The following ABCB5 variants were observed in gnomAD, a reference collection of about 807,000 sequenced individuals.
ABCB5 encodes the protein ATP binding cassette subfamily B member 5.
Under a neutral mutation model 144.2 loss-of-function variants are expected in ABCB5, and 155 were observed. The ratio of observed to expected loss-of-function variants is 1.08; its 90% CI spans 0.94 to 1.23. The LOEUF is 1.23. Ranked by LOEUF, ABCB5 falls within the 50% of genes most tolerant of loss-of-function variation. ABCB5 has a pLI of 0.00. For synonymous variants in ABCB5, 610 were observed against 528.6 expected (o/e 1.15, Z -2.11); for missense variants, 1,830 against 1,520.8 (o/e 1.20, Z -3.38).
intron 20 of ABCB5, among the ~76,000 whole-genome samples, chr7:20,712,658 T>C (rs1014283396): frequency 6.7e-6 from 1 of 149,706 alleles, no homozygotes; most frequent in Non-Finnish European, 1.5e-5. Flanking sequence ...CTATCATATA[T>C]ATTTTTCATC....
intron 16 of ABCB5, among the ~76,000 whole-genome samples, chr7:20,697,019 T>C (rs541526497): frequency 6.6e-6 from 1 of 152,174 alleles, no homozygotes; most frequent in Non-Finnish European, 1.5e-5. Flanking sequence ...AATAAGGTAA[T>C]TTTGTAATGC....
At chr7:20,667,603 G>A (rs1355468196) in intron 14 of ABCB5, 2 of 915,182 alleles carry the variant, frequency 2.2e-6, no homozygotes, top group Non-Finnish European at 2.6e-6. Flanking sequence ...GAGCTAATGG[G>A]TCACATCACG....
At chr7:20,678,107 A>T (rs1420030721) in intron 14 of ABCB5, among the ~76,000 whole-genome samples, 1 of 152,226 alleles carries the variant, frequency 6.6e-6, no homozygotes, top group African/African-American at 2.4e-5. Context: ...ATAAGTAAGA[A>T]CAGGTACTAT....
chr7:20,748,650 C>CAAA (rs71020682), intron 26 of ABCB5, among the ~76,000 whole-genome samples: 4 of 59,076 alleles, frequency 6.8e-5, no homozygotes, highest in African/African-American at 2.0e-4. Context: ...GACTCCATCT[C>CAAA]AAAAAAAAAA....
chr7:20,654,714 T>C (rs1784713728), intron 13 of ABCB5, among the ~76,000 whole-genome samples: 1 of 151,924 alleles, frequency 6.6e-6, no homozygotes, highest in Admixed American at 6.6e-5. Context: ...AAAAAACAAT[T>C]CTAAAGAATA....
intron 16 of ABCB5, among the ~76,000 whole-genome samples, chr7:20,692,515 G>C (rs1231922760): frequency 6.6e-6 from 1 of 150,992 alleles, no homozygotes; most frequent in African/African-American, 2.4e-5. Flanking sequence ...GAAGGAAAGT[G>C]ATACTAGATG....
intron 20 of ABCB5, among the ~76,000 whole-genome samples, chr7:20,709,148 C>G (rs1371925513): frequency 1.3e-5 from 2 of 152,044 alleles, no homozygotes; most frequent in Non-Finnish European, 2.9e-5. Context: ...AAATGGCAGC[C>G]TTATATAAGT....
chr7:20,722,636 A>G (rs1275971423), intron 20 of ABCB5, among the ~76,000 whole-genome samples: 1 of 152,178 alleles, frequency 6.6e-6, no homozygotes, highest in Non-Finnish European at 1.5e-5. Flanking sequence ...CTTGGCCAAC[A>G]TGGCGAAACC....
chr7:20,622,984 G>A lies in ABCB5; in HGVS notation c.-21-281G>A, dbSNP rs149504524. Among the ~76,000 whole-genome samples, 8 of 152,178 alleles carry A rather than the reference G, an allele frequency of 5.3e-5. No homozygotes were observed. In the East Asian group the frequency reaches 5.8e-4, roughly 11 times the overall value. On this transcript the variant is annotated intron_variant, in intron 1 of 27. Transcript: ENST00000404938. ...TATCCTGACAAACAGTGCATTTTCC[G>A]TGGAATCTGACTTTCCTTCTTTTAT...
intron 1 of ABCB5, among the ~76,000 whole-genome samples, chr7:20,620,340 G>C (rs749056813): frequency 6.6e-6 from 1 of 151,958 alleles, no homozygotes; most frequent in Non-Finnish European, 1.5e-5. Flanking sequence ...CACTGGATTT[G>C]GCAAAGATTT....
rs1785973782 is a variant in ABCB5 at position 20,685,799 on chromosome 7, T to G, written c.1973T>G (p.Phe658Cys). ...TCTGTGAAGAGCATCAAGTCAGACT[T>G]CATTGACAAGGCTGAGGAATCCACC... is the stretch of plus-strand genomic sequence containing the variant. ...LHSVKSIKSD[F>C]IDKAEESTQS... is the part of the protein sequence containing the mutation. The change falls in exon 16 of 28, where the codon TTC becomes TGC. Residue 658 changes from phenylalanine (F) to cysteine (C), a missense_variant. Physicochemically the swap from Phe to Cys is radical, Grantham distance 205. Transcript: ENST00000404938. The G allele has an allele frequency of 6.2e-7, 1 of 1,613,196 alleles. No homozygotes were observed. Among genetic ancestry groups the G allele is most frequent in the African/African-American group, 1.3e-5 (1 of 74,884 alleles).
intron 11 of ABCB5, 120 bp from the exon 12 acceptor site, chr7:20,649,902 G>A: frequency 1.9e-6 from 2 of 1,077,956 alleles, no homozygotes; most frequent in Non-Finnish European, 2.6e-6. Context: ...AACATAACAA[G>A]ATCTAAATTT....
intron 20 of ABCB5, among the ~76,000 whole-genome samples, chr7:20,722,352 A>C (rs189631264): frequency 6.6e-6 from 1 of 152,294 alleles, no homozygotes; most frequent in African/African-American, 2.4e-5. Context: ...AACACACTCA[A>C]CTTGCACTGG....
chr7:20,669,764 T>C (rs1271660656), intron 14 of ABCB5, among the ~76,000 whole-genome samples: 1 of 124,964 alleles, frequency 8.0e-6, no homozygotes, highest in Non-Finnish European at 1.6e-5. Context: ...TTCGTAACTT[T>C]GAGGAAACAG....
chr7:20,665,433 A>C (rs1344191777), intron 14 of ABCB5, among the ~76,000 whole-genome samples: 1 of 152,232 alleles, frequency 6.6e-6, no homozygotes, highest in East Asian at 1.9e-4. Context: ...CATCACAGTC[A>C]GGTAGTTAAG....
rs1786497089 is a variant in ABCB5, at chr7:20,698,402, T to G, written c.2011-5T>G. Reference sequence around the variant, plus strand: ...GCATTTTTAACCAACATATTTTATTTTTAGATAAGTCTTCCTGAAGTCTCT... The same window carrying G: ...GCATTTTTAACCAACATATTTTATTGTTAGATAAGTCTTCCTGAAGTCTCT... On this transcript the variant is annotated splice_polypyrimidine_tract_variant and splice_region_variant and intron_variant, in intron 16 of 27. Coordinates refer to ENST00000404938, the MANE Select transcript of ABCB5 (RefSeq NM_001163941.2). The G allele has an allele frequency of 6.4e-7, 1 of 1,559,718 alleles. No homozygotes were observed. The highest frequency in any genetic ancestry group is 8.6e-7 in the Non-Finnish European group (1 of 1,160,084).
At chr7:20,643,038 A>G in intron 5 of ABCB5, 146 bp from the exon 6 acceptor site, 3 of 634,732 alleles carry the variant, frequency 4.7e-6, no homozygotes, top group South Asian at 2.2e-5. Flanking sequence ...TATTCAATGC[A>G]CTTCACTCTC....
rs1408029487 is a variant in ABCB5, at chr7:20,668,881, C to T, written c.1707+10205C>T. Among the ~76,000 whole-genome samples the T allele has an allele frequency of 4.1e-5, 5 of 121,528 alleles. No homozygotes were observed. The East Asian group carries it at 9.3e-4, about 23-fold the overall frequency. The allele number at this position is 121,528 out of a possible 152,430, so 79.7% of individuals were successfully genotyped here. On this transcript the variant is annotated intron_variant, in intron 14 of 27. Coordinates refer to ENST00000404938, the MANE Select transcript of ABCB5 (RefSeq NM_001163941.2). ...TCAGCCCCCCGCCCAGCCGGCCGCC[C>T]CGTCCGGGAGGTGTGGGGCGCCTCT...
At chr7:20,670,868 C>T (rs374126559) in intron 14 of ABCB5, among the ~76,000 whole-genome samples, 7 of 152,252 alleles carry the variant, frequency 4.6e-5, no homozygotes, top group African/African-American at 1.7e-4. Flanking sequence ...GAGATCGTGC[C>T]ATTGCACTCC....
Sources: allele counts gnomAD v4.1 joint callset (sites outside exome capture counted in the v4.1 genomes callset), GRCh38; gene constraint gnomAD v4.1.1; transcripts MANE v1.5; gene names NCBI Gene and HGNC (gene_info 2026-07-23, HGNC 2026-07-21).